The following GABRA2 variants were observed in gnomAD, a reference collection of about 807,000 sequenced individuals.
The protein encoded by GABRA2 is gamma-aminobutyric acid receptor subunit alpha-2.
GABRA2 carries 16 observed loss-of-function variants against 48.7 expected under a neutral mutation model. The observed-to-expected ratio is 0.33, with a 90% CI of 0.22 to 0.50. The LOEUF (loss-of-function observed/expected upper bound fraction) is 0.50, where lower values mean the gene tolerates loss of function less well. GABRA2 is among the 20% of genes least tolerant of loss of function. The probability of loss-of-function intolerance (pLI) is 0.98; values close to 1 mark genes in which losing one functional copy is unlikely to be tolerated. For missense variants in GABRA2, 275 were observed against 535.6 expected (o/e 0.51, Z 4.80); for synonymous variants, 185 against 184.5 (o/e 1.00, Z -0.02).
Position 46,315,749 on chromosome 4 carries a change from C to T in GABRA2, c.256-3033G>A, listed in dbSNP as rs187130840. ...ATTTTCTTTTTGTTTTTCGGACATACACAAGAGTATAAAGAATATTACAAA... is the reference window on the plus strand; with the variant it reads ...ATTTTCTTTTTGTTTTTCGGACATATACAAGAGTATAAAGAATATTACAAA... On this transcript the variant is annotated intron_variant, in intron 4 of 9. Transcript: ENST00000381620. 1.9e-3 allele frequency among the ~76,000 whole-genome samples: 290 copies of T among 151,992 alleles called. 1 individual carries two copies. The highest frequency in any genetic ancestry group is 6.3e-3 in the African/African-American group (260 of 41,494).
At chr4:46,385,874 A>G (rs1028221244) in intron 3 of GABRA2, among the ~76,000 whole-genome samples, 200 bp downstream of exon 3, 1 of 152,164 alleles carries the variant, frequency 6.6e-6, no homozygotes. Context: ...TAGGCATTCT[A>G]TGAAAGATAT....
intron 8 of GABRA2, among the ~76,000 whole-genome samples, chr4:46,275,584 A>G (rs1720331847): frequency 6.6e-6 from 1 of 152,174 alleles, no homozygotes; most frequent in Non-Finnish European, 1.5e-5. Context: ...AAAATAACAT[A>G]TTCATAATAA....
intron 7 of GABRA2, among the ~76,000 whole-genome samples, chr4:46,304,289 C>T (rs1012132298): frequency 3.3e-5 from 5 of 152,094 alleles, no homozygotes; most frequent in African/African-American, 1.2e-4. Context: ...ATCTTCTGGC[C>T]CACATTTTCC....
At chr4:46,377,382 C>G in intron 3 of GABRA2, among the ~76,000 whole-genome samples, 1 of 151,550 alleles carries the variant, frequency 6.6e-6, no homozygotes, top group Non-Finnish European at 1.5e-5. Context: ...CACCTCTGCC[C>G]TGCCGCCCCG....
intron 8 of GABRA2, among the ~76,000 whole-genome samples, chr4:46,275,475 G>C (rs1464059954): frequency 6.6e-6 from 1 of 151,968 alleles, no homozygotes; most frequent in Non-Finnish European, 1.5e-5. Context: ...GCAGACCAGG[G>C]GTATCGCTCC....
chr4:46,313,684 A>G (rs1728070037), intron 4 of GABRA2, among the ~76,000 whole-genome samples: 2 of 152,008 alleles, frequency 1.3e-5, no homozygotes, highest in Non-Finnish European at 2.9e-5. Context: ...ACTGTTTACA[A>G]TCCATTGGAT....
At chr4:46,297,532 A>T (rs1577956128) in intron 8 of GABRA2, among the ~76,000 whole-genome samples, 1 of 117,212 alleles carries the variant, frequency 8.5e-6, no homozygotes, top group African/African-American at 3.5e-5. Flanking sequence ...ACTGATATAT[A>T]CACTCTAGAG....
chr4:46,254,318 C>T (rs1715388281), intron 9 of GABRA2, among the ~76,000 whole-genome samples: 1 of 151,526 alleles, frequency 6.6e-6, no homozygotes, highest in South Asian at 2.1e-4. Flanking sequence ...AGCTTACACT[C>T]AGAACCTGAA....
At chr4:46,337,983 T>G (rs1732548889) in intron 3 of GABRA2, among the ~76,000 whole-genome samples, 1 of 151,918 alleles carries the variant, frequency 6.6e-6, no homozygotes, top group Non-Finnish European at 1.5e-5. Flanking sequence ...AAACAAAAAT[T>G]TCTAACATTT....
intron 4 of GABRA2, among the ~76,000 whole-genome samples, chr4:46,322,461 C>T (rs558904805): frequency 2.2e-4 from 33 of 152,076 alleles, no homozygotes; most frequent in Middle Eastern, 6.8e-3. Context: ...CACACACCCA[C>T]GCCCCAACAC....
intron 3 of GABRA2, among the ~76,000 whole-genome samples, chr4:46,350,453 A>G (rs1290139249): frequency 6.6e-6 from 1 of 151,848 alleles, no homozygotes; most frequent in African/African-American, 2.4e-5. Flanking sequence ...GTAGGTATAT[A>G]TTATCTTTGT....
intron 4 of GABRA2, among the ~76,000 whole-genome samples, chr4:46,313,279 C>A (rs977080208): frequency 6.6e-6 from 1 of 151,646 alleles, no homozygotes; most frequent in Non-Finnish European, 1.5e-5. Context: ...ATCATCATCT[C>A]CTGTTGCCAA....
At chr4:46,383,643 T>A (rs1034783950) in intron 3 of GABRA2, among the ~76,000 whole-genome samples, 1 of 152,174 alleles carries the variant, frequency 6.6e-6, no homozygotes, top group African/African-American at 2.4e-5. Context: ...GGAGACATAG[T>A]GCCAGTGACT....
Position 46,246,996 on chromosome 4 carries a change from A to G in GABRA2, c.*3312T>C, listed in dbSNP as rs2109360452. 6.6e-6 allele frequency among the ~76,000 whole-genome samples: 1 copy of G among 151,314 alleles called. No homozygotes were observed. Among genetic ancestry groups the G allele is most frequent in the Admixed American group, 6.6e-5 (1 of 15,122 alleles). On this transcript the variant is annotated 3_prime_UTR_variant, in exon 10 of 10. Coordinates refer to ENST00000381620, the MANE Select transcript of GABRA2 (RefSeq NM_000807.4). ...CAACCAGGAATTCAAAAAGAGCCAC[A>G]TAAATGCAAATTATACTTACCAAAT...
At chr4:46,254,029 A>G (rs1038076663) in intron 9 of GABRA2, among the ~76,000 whole-genome samples, 1 of 151,530 alleles carries the variant, frequency 6.6e-6, no homozygotes, top group African/African-American at 2.4e-5. Flanking sequence ...AGCAGAGTCT[A>G]TAGGTTAAGT....
Position 46,389,802 on chromosome 4 carries a change from G to GGGGAGGGAGA in GABRA2, c.-79_-78insTCTCCCTCCC, listed in dbSNP as rs1553928580. ...TGATCTTGACGAGATAGGAAACTTG[G>GGGGAGGGAGA]GAGAGAGAGAGAGAGAGAGAGAGAG... On this transcript the variant is annotated 5_prime_UTR_variant, in exon 1 of 10. Coordinates refer to ENST00000381620, the MANE Select transcript of GABRA2 (RefSeq NM_000807.4). The GGGGAGGGAGA allele has an allele frequency of 3.7e-6, 1 of 268,258 alleles. No homozygotes were observed. The highest frequency in any genetic ancestry group is 4.3e-6 in the Non-Finnish European group (1 of 234,002). 16.6% of individuals were successfully genotyped at this position (268,258 alleles called of 1,614,324 possible).
At chr4:46,269,709 CTTTT>C (rs1302467091) in intron 8 of GABRA2, among the ~76,000 whole-genome samples, 1 of 151,492 alleles carries the variant, frequency 6.6e-6, no homozygotes, top group South Asian at 2.1e-4. Flanking sequence ...TTGTGGCTGA[CTTTT>C]TTTTGTTTCA....
At position 46,245,976 on chromosome 4, in the gene GABRA2, T is replaced by G. The variant is rs1713642788; in HGVS notation, c.*4332A>C. On this transcript the variant is annotated 3_prime_UTR_variant, in exon 10 of 10. Transcript: ENST00000381620. ...CACAGTGGTCTAGATATGTTGATAA[T>G]TAAGAATTTTAGCAAAAAAACAAAA... Among the ~76,000 whole-genome samples the G allele has an allele frequency of 6.6e-6, 1 of 151,080 alleles. No homozygotes were observed. The highest frequency in any genetic ancestry group is 1.5e-5 in the Non-Finnish European group (1 of 67,428).
rs77752977 is a variant in GABRA2 at position 46,308,349 on chromosome 4, C to T, written c.559+1824G>A. 6.5e-3 allele frequency among the ~76,000 whole-genome samples: 995 copies of T among 152,176 alleles called. 7 individuals carry two copies. The highest frequency in any genetic ancestry group is 0.011 in the Non-Finnish European group (758 of 67,988). On this transcript the variant is annotated intron_variant, in intron 6 of 9. Transcript: ENST00000381620. The stretch of plus-strand genomic sequence containing the variant: ...TGCTTCTTTTGATTGAGGACACTGA[C>T]GAAGTTCCTGAAATACAATCCTTTT...
Sources: allele counts gnomAD v4.1 joint callset (sites outside exome capture counted in the v4.1 genomes callset), GRCh38; gene constraint gnomAD v4.1.1; transcripts MANE v1.5; gene names NCBI Gene and HGNC (gene_info 2026-07-23, HGNC 2026-07-21).